NKIRAS1: variants seen among roughly 807,000 people sequenced by gnomAD.
NKIRAS1 encodes NFKB inhibitor interacting Ras like 1.
In NKIRAS1, 16 loss-of-function variants were observed where a neutral mutation model predicts 19.8. That is an observed-to-expected ratio of 0.81 (90% CI 0.55 to 1.23). NKIRAS1 has a LOEUF of 1.23. NKIRAS1 is among the 50% of genes most tolerant of loss of function. NKIRAS1 has a pLI of 0.00. For synonymous variants in NKIRAS1, 88 were observed against 79.0 expected (o/e 1.11, Z -0.61); for missense variants, 184 against 220.0 (o/e 0.84, Z 1.04).
intron 1 of NKIRAS1, among the ~76,000 whole-genome samples, chr3:23,936,048 A>G (rs1441723302): frequency 7.5e-6 from 1 of 133,898 alleles, no homozygotes; most frequent in African/African-American, 2.8e-5. Context: ...ACGCCACTGC[A>G]CTCTAGCCTG....
chr3:23,893,798 C>CAAAA, intron 4 of NKIRAS1, among the ~76,000 whole-genome samples: 2 of 81,534 alleles, frequency 2.5e-5, no homozygotes, highest in South Asian at 4.8e-4. Context: ...GACTCCATCT[C>CAAAA]AAAAAAAAAA....
intron 1 of NKIRAS1, among the ~76,000 whole-genome samples, chr3:23,933,858 G>A (rs1705354017): frequency 2.6e-5 from 4 of 152,148 alleles, no homozygotes; most frequent in Admixed American, 2.6e-4. Flanking sequence ...TTGGGTGTCT[G>A]GTAAAGGGCC....
intron 3 of NKIRAS1, among the ~76,000 whole-genome samples, chr3:23,904,644 CAAAGA>C (rs144718269): frequency 0.2 from 30,427 of 151,876 alleles, 2,987 homozygotes; most frequent in Non-Finnish European, 0.21. Context: ...CAACTAAGAA[CAAAGA>C]AGAGAGCCTA....
In NKIRAS1 at chr3:23,926,720, A is replaced by G. The variant is rs1428270192; in HGVS notation, c.-139-15270T>C. Among the ~76,000 whole-genome samples, 5 of 152,250 alleles carry G rather than the reference A, an allele frequency of 3.3e-5. No homozygotes were observed. The highest frequency in any genetic ancestry group is 3.3e-4 in the Admixed American group (5 of 15,282). On this transcript the variant is annotated intron_variant, in intron 1 of 4. Transcript: ENST00000421515. The surrounding 1 kb of genome is among the most constrained non-coding windows in gnomAD (Gnocchi z 4.3). Reference sequence around the variant, plus strand: ...GTTTTATCCCAATGGTACAAACTGTAGAAGAATGAACTGCTACAACACCTT... The same window carrying G: ...GTTTTATCCCAATGGTACAAACTGTGGAAGAATGAACTGCTACAACACCTT...
chr3:23,918,930 G>A, upstream of NKIRAS1: 1 of 529,514 alleles, frequency 1.9e-6, no homozygotes, highest in South Asian at 2.8e-5. Context: ...CCTAAATTTT[G>A]TTACCCAGAT....
chr3:23,902,904 G>A (rs186575084), intron 3 of NKIRAS1, among the ~76,000 whole-genome samples: 6 of 152,302 alleles, frequency 3.9e-5, no homozygotes, highest in East Asian at 1.9e-4. Context: ...GAAGTCCTCC[G>A]GCTTTCCCTT....
chr3:23,908,944 T>C (rs1050922408), intron 3 of NKIRAS1, among the ~76,000 whole-genome samples: 22 of 151,872 alleles, frequency 1.4e-4, no homozygotes, highest in African/African-American at 4.8e-4. Flanking sequence ...TCTTCCCACC[T>C]TGGCCTCCCA....
At chr3:23,934,367 C>A (rs892624916) in intron 1 of NKIRAS1, among the ~76,000 whole-genome samples, 1 of 152,108 alleles carries the variant, frequency 6.6e-6, no homozygotes, top group African/African-American at 2.4e-5. Flanking sequence ...AGTAAGAAAG[C>A]ACACATTTTA....
intron 1 of NKIRAS1, among the ~76,000 whole-genome samples, chr3:23,924,999 G>A (rs1705186970): frequency 6.6e-6 from 1 of 152,164 alleles, no homozygotes; most frequent in Admixed American, 6.5e-5. Flanking sequence ...ACATTGCGAG[G>A]TGTCCATGGC....
intron 1 of NKIRAS1, among the ~76,000 whole-genome samples, chr3:23,913,977 A>C (rs1575105934): frequency 6.6e-6 from 1 of 152,240 alleles, no homozygotes; most frequent in East Asian, 1.9e-4. Flanking sequence ...GCTACTTGTC[A>C]CATCCCTACC....
chr3:23,943,371 T>C (rs1384860420), intron 1 of NKIRAS1, among the ~76,000 whole-genome samples: 1 of 152,222 alleles, frequency 6.6e-6, no homozygotes, highest in African/African-American at 2.4e-5. Flanking sequence ...TAGCTGGGAT[T>C]ACAGGCATGC....
intron 1 of NKIRAS1, among the ~76,000 whole-genome samples, chr3:23,914,631 A>G (rs140290993): frequency 1.3e-3 from 194 of 152,350 alleles, no homozygotes; most frequent in African/African-American, 4.4e-3. Flanking sequence ...AGGGCCTGCC[A>G]TCATGCCAGC....
upstream of NKIRAS1, chr3:23,920,418 T>C: frequency 1.0e-6 from 1 of 985,444 alleles, no homozygotes; most frequent in Non-Finnish European, 1.2e-6. Flanking sequence ...TTATTTCTCT[T>C]GTTCTGGCCA....
chr3:23,919,590 T>C, upstream of NKIRAS1: 1 of 1,425,334 alleles, frequency 7.0e-7, no homozygotes, highest in Non-Finnish European at 9.1e-7. Flanking sequence ...TTAAAACTAG[T>C]CTGCAGATGT....
intron 1 of NKIRAS1, among the ~76,000 whole-genome samples, chr3:23,930,090 G>A (rs950746515): frequency 2.6e-5 from 4 of 152,104 alleles, no homozygotes; most frequent in Non-Finnish European, 5.9e-5. Context: ...TCTACTTAAA[G>A]GCATTGGAGA....
intron 1 of NKIRAS1, chr3:23,945,436 G>A (rs1705625888): frequency 3.6e-6 from 1 of 274,132 alleles, no homozygotes; most frequent in East Asian, 1.2e-4. Flanking sequence ...CCTGGGGCCC[G>A]GGAGCCCCGC....
chr3:23,893,477 G>T, intron 4 of NKIRAS1, 140 bp from the exon 5 acceptor site: 1 of 751,842 alleles, frequency 1.3e-6, no homozygotes. Context: ...TGGATATTAG[G>T]ATTTCACCTT....
upstream of NKIRAS1, chr3:23,921,522 A>G (rs1057081605): frequency 1.5e-6 from 1 of 676,082 alleles, no homozygotes. Context: ...CATTTGCTTT[A>G]CTATTTCTAT....
chr3:23,942,682 C>G (rs922243190), intron 1 of NKIRAS1, among the ~76,000 whole-genome samples: 2 of 151,854 alleles, frequency 1.3e-5, no homozygotes, highest in South Asian at 2.1e-4. Context: ...CTGCCGTCCT[C>G]GGCCTCCCAA....
Sources: allele counts gnomAD v4.1 joint callset (sites outside exome capture counted in the v4.1 genomes callset), GRCh38; gene constraint gnomAD v4.1.1; non-coding constraint Gnocchi (gnomAD v3.1); transcripts MANE v1.5; gene names NCBI Gene and HGNC (gene_info 2026-07-23, HGNC 2026-07-21).